Variants in KCND2 observed in about 807,000 individuals in gnomAD.
The protein encoded by KCND2 is potassium voltage-gated channel subfamily D member 2.
In KCND2, 16 loss-of-function variants were observed where a neutral mutation model predicts 54.4. The ratio of observed to expected loss-of-function variants is 0.29; its 90% CI spans 0.20 to 0.45. The LOEUF is 0.45. Among genes scored for constraint, KCND2 ranks in the 20% least tolerant of loss-of-function variants. The probability of loss-of-function intolerance (pLI) is 1.00; values close to 1 mark genes in which losing one functional copy is unlikely to be tolerated. For missense variants in KCND2, 486 were observed against 824.2 expected (o/e 0.59, Z 5.02); for synonymous variants, 317 against 310.7 (o/e 1.02, Z -0.21).
chr7:120,560,445 T>C (rs1792219683), intron 1 of KCND2, among the ~76,000 whole-genome samples: 1 of 152,226 alleles, frequency 6.6e-6, no homozygotes, highest in African/African-American at 2.4e-5. Context: ...GAACTTGTCA[T>C]TTTTAAGAGC....
chr7:120,521,961 C>T (rs1037497864), intron 1 of KCND2, among the ~76,000 whole-genome samples: 3 of 152,172 alleles, frequency 2.0e-5, no homozygotes, highest in Admixed American at 2.0e-4. Context: ...ACTCTGCACC[C>T]AGTGATCTCT....
At chr7:120,496,334 C>G (rs1802846909) in intron 1 of KCND2, among the ~76,000 whole-genome samples, 1 of 152,044 alleles carries the variant, frequency 6.6e-6, no homozygotes, top group African/African-American at 2.4e-5. Context: ...GATGAGAAGG[C>G]CACCTACTCT....
intron 1 of KCND2, among the ~76,000 whole-genome samples, chr7:120,389,381 C>A (rs559848618): frequency 1.3e-5 from 2 of 151,766 alleles, no homozygotes; most frequent in Non-Finnish European, 2.9e-5. Context: ...TGGCAAAAGT[C>A]CCTAAAATCC....
intron 1 of KCND2, among the ~76,000 whole-genome samples, chr7:120,606,801 T>C (rs1245184923): frequency 2.6e-5 from 4 of 152,136 alleles, no homozygotes; most frequent in African/African-American, 9.6e-5. Context: ...ACTGTAGATT[T>C]GAAGTAATCT....
chr7:120,364,554 A>C (rs1413062965), intron 1 of KCND2, among the ~76,000 whole-genome samples: 2 of 152,152 alleles, frequency 1.3e-5, no homozygotes, highest in African/African-American at 4.8e-5. Context: ...AGGGAATGCA[A>C]GGTTTTGCAA....
At chr7:120,405,951 T>C (rs1464714200) in intron 1 of KCND2, among the ~76,000 whole-genome samples, 2 of 152,028 alleles carry the variant, frequency 1.3e-5, no homozygotes, top group Non-Finnish European at 2.9e-5. Flanking sequence ...TGGTTAGTGA[T>C]TTTTTTAAAA....
intron 1 of KCND2, among the ~76,000 whole-genome samples, chr7:120,551,600 T>C (rs1195948526): frequency 6.6e-6 from 1 of 152,166 alleles, no homozygotes; most frequent in Non-Finnish European, 1.5e-5. Context: ...CCAACTTAGC[T>C]TTCATACTTA....
chr7:120,669,427 G>A (rs1460537801), intron 1 of KCND2, among the ~76,000 whole-genome samples: 1 of 151,868 alleles, frequency 6.6e-6, no homozygotes, highest in Non-Finnish European at 1.5e-5. Context: ...AGAATCAGAA[G>A]AAAAAATAAT....
chr7:120,558,261 A>T (rs1045114056), intron 1 of KCND2, among the ~76,000 whole-genome samples: 1 of 152,194 alleles, frequency 6.6e-6, no homozygotes, highest in Non-Finnish European at 1.5e-5. Flanking sequence ...GTAACTAGAA[A>T]ACTCTGCAAG....
intron 1 of KCND2, among the ~76,000 whole-genome samples, chr7:120,634,276 ATTTTATTTATAC>A (rs1562894071): frequency 6.6e-6 from 1 of 152,136 alleles, no homozygotes; most frequent in African/African-American, 2.4e-5. Context: ...CGACACCAAT[ATTTTATTTATAC>A]TTTTATTTGA....
chr7:120,285,113 C>T (rs1343397760), intron 1 of KCND2, among the ~76,000 whole-genome samples: 1 of 152,100 alleles, frequency 6.6e-6, no homozygotes, highest in Non-Finnish European at 1.5e-5. Flanking sequence ...TTGTAACTTG[C>T]ATTTTATCCA....
At chr7:120,474,392 C>T (rs1489111628) in intron 1 of KCND2, among the ~76,000 whole-genome samples, 3 of 152,070 alleles carry the variant, frequency 2.0e-5, no homozygotes, top group Non-Finnish European at 2.9e-5. Context: ...GGCTGGAGTG[C>T]AGTGGTGCGA....
chr7:120,484,701 GCACACACACACACACACA>G (rs3067134), intron 1 of KCND2, among the ~76,000 whole-genome samples: 1 of 137,536 alleles, frequency 7.3e-6, no homozygotes, highest in African/African-American at 2.5e-5. Context: ...TATATTACAC[GCACACACACACACACACA>G]CACACACACA....
intron 1 of KCND2, among the ~76,000 whole-genome samples, chr7:120,551,268 C>T (rs1792101909): frequency 6.6e-6 from 1 of 152,106 alleles, no homozygotes; most frequent in South Asian, 2.1e-4. Flanking sequence ...CAATTATAAG[C>T]CATTTCTTTC....
At chr7:120,586,454 G>T (rs1397407115) in intron 1 of KCND2, among the ~76,000 whole-genome samples, 1 of 152,006 alleles carries the variant, frequency 6.6e-6, no homozygotes, top group Non-Finnish European at 1.5e-5. Flanking sequence ...GTAAGATAAG[G>T]TTAACATTAT....
intron 1 of KCND2, among the ~76,000 whole-genome samples, chr7:120,414,791 T>A (rs2116117367): frequency 6.6e-6 from 1 of 152,300 alleles, no homozygotes; most frequent in South Asian, 2.1e-4. Context: ...AATATCCACA[T>A]TTAATTATTC....
intron 1 of KCND2, among the ~76,000 whole-genome samples, chr7:120,556,251 C>A (rs1299009642): frequency 6.6e-6 from 1 of 152,102 alleles, no homozygotes; most frequent in East Asian, 1.9e-4. Flanking sequence ...TGAATAAATT[C>A]CCCTGGTGAG....
At chr7:120,642,222 C>T (rs982782489) in intron 1 of KCND2, among the ~76,000 whole-genome samples, 2 of 151,958 alleles carry the variant, frequency 1.3e-5, no homozygotes, top group African/African-American at 4.8e-5. Flanking sequence ...AGATGTTTTT[C>T]ATTACACTCA....
At chr7:120,311,739 G>A (rs1431362704) in intron 1 of KCND2, among the ~76,000 whole-genome samples, 1 of 152,002 alleles carries the variant, frequency 6.6e-6, no homozygotes, top group African/African-American at 2.4e-5. Context: ...CCCTCCAAAA[G>A]GCCCCAGTGT....
Sources: gnomAD v4.1 joint callset for allele counts (sites outside exome capture counted in the v4.1 genomes callset) on GRCh38, gnomAD v4.1.1 for gene constraint, MANE v1.5 for transcripts, NCBI Gene and HGNC (gene_info 2026-07-23, HGNC 2026-07-21) for gene names.